Variants in CAST observed in about 807,000 individuals in gnomAD.
CAST encodes the protein calpastatin.
A neutral mutation model predicts 119.6 loss-of-function variants in CAST; 76 were observed. The observed-to-expected ratio is 0.64, with a 90% CI of 0.53 to 0.77. CAST has a LOEUF of 0.77. Among genes scored for constraint, CAST ranks in the 30% least tolerant of loss-of-function variants. The pLI, the probability that CAST is intolerant of heterozygous loss-of-function variation, is 0.00. For synonymous variants in CAST, 319 were observed against 331.6 expected, an observed-to-expected ratio of 0.96 and a Z score of 0.41; for missense variants, 953 against 946.5, an observed-to-expected ratio of 1.01 and a Z score of -0.09.
the CAST span, among the ~76,000 whole-genome samples, chr5:96,328,076 CTT>C: frequency 6.6e-6 from 1 of 152,184 alleles, no homozygotes; most frequent in Middle Eastern, 3.2e-3. Flanking sequence ...AAATAATCAA[CTT>C]TTGTTTATTC....
chr5:96,702,187 A>C (rs759829330), intron 3 of CAST, among the ~76,000 whole-genome samples: 2 of 152,016 alleles, frequency 1.3e-5, no homozygotes, highest in Non-Finnish European at 2.9e-5. Context: ...TTTATTTTAA[A>C]ATTTTTTATA....
At chr5:96,045,495 T>C in the CAST span, among the ~76,000 whole-genome samples, 1 of 152,216 alleles carries the variant, frequency 6.6e-6, no homozygotes, top group East Asian at 1.9e-4. Flanking sequence ...TAGCATTCAC[T>C]TAATAAATAT....
At chr5:96,643,610 C>T (rs1486301785) in intron 1 of CAST, among the ~76,000 whole-genome samples, 1 of 152,150 alleles carries the variant, frequency 6.6e-6, no homozygotes, top group Non-Finnish European at 1.5e-5. Context: ...CGCAATGGCT[C>T]ACCCCTGTAA....
At chr5:96,102,508 C>T in the CAST span, among the ~76,000 whole-genome samples, 1 of 152,114 alleles carries the variant, frequency 6.6e-6, no homozygotes, top group Non-Finnish European at 1.5e-5. Context: ...AATAACCAAT[C>T]AGGAGAGAGC....
the CAST span, among the ~76,000 whole-genome samples, chr5:96,237,527 A>G: frequency 1.3e-5 from 2 of 152,160 alleles, no homozygotes; most frequent in Non-Finnish European, 2.9e-5. Context: ...TTACTTGGAA[A>G]GTTTCTATAA....
intron 1 of CAST, among the ~76,000 whole-genome samples, chr5:96,562,055 G>T (rs261995): frequency 0.33 from 49,981 of 150,658 alleles, 8,929 homozygotes; most frequent in Middle Eastern, 0.44. Flanking sequence ...GCCTCCCAAA[G>T]TGCTGGGATT....
At chr5:96,524,098 G>C (rs1454386654), upstream of CAST, among the ~76,000 whole-genome samples, 1 of 152,206 alleles carries the variant, frequency 6.6e-6, no homozygotes, top group Non-Finnish European at 1.5e-5. Context: ...AGCAGGGATA[G>C]ATCATTGAAT....
At chr5:96,180,218 C>T in the CAST span, among the ~76,000 whole-genome samples, 620 of 152,236 alleles carry the variant, frequency 4.1e-3, 3 homozygotes, top group African/African-American at 0.014. Context: ...GTGTGATAAT[C>T]TTATACACTT....
chr5:96,536,019 TAAA>T (rs1745804856), intron 1 of CAST, among the ~76,000 whole-genome samples: 6 of 147,944 alleles, frequency 4.1e-5, no homozygotes, highest in African/African-American at 1.5e-4. Context: ...AACCATATGT[TAAA>T]TATTTAAGGT....
At chr5:96,498,700 C>G in the CAST span, among the ~76,000 whole-genome samples, 4 of 152,136 alleles carry the variant, frequency 2.6e-5, no homozygotes, top group African/African-American at 9.7e-5. Flanking sequence ...TAGTGATGCA[C>G]CATTCAGATT....
At chr5:96,467,343 G>GT in the CAST span, among the ~76,000 whole-genome samples, 1 of 152,100 alleles carries the variant, frequency 6.6e-6, no homozygotes, top group African/African-American at 2.4e-5. Context: ...TTGCTATCAA[G>GT]TTTTTTTAAT....
chr5:96,730,628 C>T, intron 8 of CAST, 152 bp from the exon 9 acceptor site: 1 of 641,232 alleles, frequency 1.6e-6, no homozygotes. Flanking sequence ...GTGCTTAGCA[C>T]TGCACCATGT....
the CAST span, among the ~76,000 whole-genome samples, chr5:96,325,844 G>T: frequency 6.6e-6 from 1 of 152,152 alleles, no homozygotes; most frequent in African/African-American, 2.4e-5. Context: ...TGAGGAAAAT[G>T]GCACAAATGG....
At chr5:96,565,541 T>C (rs755247345) in intron 1 of CAST, among the ~76,000 whole-genome samples, 2 of 152,232 alleles carry the variant, frequency 1.3e-5, no homozygotes, top group Non-Finnish European at 2.9e-5. Flanking sequence ...CTACACATGC[T>C]ATTTAACATG....
upstream of CAST, among the ~76,000 whole-genome samples, chr5:96,523,724 T>C (rs987175812): frequency 6.6e-6 from 1 of 152,160 alleles, no homozygotes; most frequent in East Asian, 1.9e-4. Context: ...ACATGCAGTG[T>C]CCACTGCATG....
At chr5:96,198,689 A>G in the CAST span, among the ~76,000 whole-genome samples, 1 of 152,156 alleles carries the variant, frequency 6.6e-6, no homozygotes, top group Non-Finnish European at 1.5e-5. Flanking sequence ...TCATACACAA[A>G]CTAATCATTA....
the CAST span, among the ~76,000 whole-genome samples, chr5:95,964,274 T>C: frequency 6.6e-6 from 1 of 152,180 alleles, no homozygotes; most frequent in Non-Finnish European, 1.5e-5. Context: ...TAGGATAATT[T>C]ATTTTGAGGA....
intron 3 of CAST, among the ~76,000 whole-genome samples, chr5:96,708,453 A>G (rs1222379821): frequency 6.6e-6 from 1 of 151,772 alleles, no homozygotes; most frequent in African/African-American, 2.4e-5. Context: ...TTGATTTTTA[A>G]AATTTATTAA....
chr5:96,418,559 T>C, the CAST span, among the ~76,000 whole-genome samples: 2 of 152,218 alleles, frequency 1.3e-5, no homozygotes, highest in Non-Finnish European at 2.9e-5. Context: ...ATGTAGCTTC[T>C]ATTAATCTCA....
Sources: gnomAD v4.1 joint callset for allele counts (sites outside exome capture counted in the v4.1 genomes callset) on GRCh38, gnomAD v4.1.1 for gene constraint, MANE v1.5 for transcripts, NCBI Gene and HGNC (gene_info 2026-07-23, HGNC 2026-07-21) for gene names.